Variants in DDC observed in about 807,000 individuals in gnomAD.
DDC encodes the protein dopa decarboxylase, also known as aromatic-L-amino-acid decarboxylase.
In DDC, 43 loss-of-function variants were observed where a neutral mutation model predicts 60.0. The ratio of observed to expected loss-of-function variants is 0.72; its 90% CI spans 0.56 to 0.92. The LOEUF is 0.92. Ranked by LOEUF, DDC falls within the 40% of genes least tolerant of loss-of-function variation. The probability of loss-of-function intolerance (pLI) is 0.00; values close to 1 mark genes in which losing one functional copy is unlikely to be tolerated. For synonymous variants in DDC, 232 were observed against 234.6 expected, an observed-to-expected ratio of 0.99 and a Z score of 0.10; for missense variants, 573 against 620.2, an observed-to-expected ratio of 0.92 and a Z score of 0.81.
intron 4 of DDC, among the ~76,000 whole-genome samples, chr7:50,531,375 G>T (rs1049115950): frequency 9.2e-5 from 14 of 151,948 alleles, no homozygotes; most frequent in Non-Finnish European, 1.8e-4. Context: ...ATTCTCATTG[G>T]AAATGTAACA....
chr7:50,535,269 C>T (rs1386939678), intron 4 of DDC, among the ~76,000 whole-genome samples: 1 of 151,938 alleles, frequency 6.6e-6, no homozygotes, highest in Non-Finnish European at 1.5e-5. Context: ...CAATTCTCCT[C>T]CCAAGTAGCT....
intron 10 of DDC, 48 bp from the exon 11 acceptor site, chr7:50,476,691 T>C (rs370615997): frequency 1.3e-6 from 2 of 1,535,522 alleles, no homozygotes; most frequent in African/African-American, 1.4e-5. Flanking sequence ...TAGACAGGTT[T>C]GTTGATCACA....
chr7:50,476,971 A>C (rs556920232), intron 10 of DDC, among the ~76,000 whole-genome samples: 1 of 152,188 alleles, frequency 6.6e-6, no homozygotes, highest in South Asian at 2.1e-4. Context: ...AGATCACGTA[A>C]ATCGTTCATC....
chr7:50,530,701 C>T (rs1010911872), intron 4 of DDC, among the ~76,000 whole-genome samples: 2 of 152,108 alleles, frequency 1.3e-5, no homozygotes, highest in African/African-American at 4.8e-5. Context: ...GTAGGGGCAG[C>T]GAGCACCTTC....
chr7:50,539,753 A>C, intron 3 of DDC, 162 bp downstream of exon 3: 1 of 642,288 alleles, frequency 1.6e-6, no homozygotes, highest in Non-Finnish European at 2.8e-6. Flanking sequence ...TCTCAGAGGC[A>C]CTCTCTCTGG....
chr7:50,549,597 C>T (rs2153552129), intron 1 of DDC, among the ~76,000 whole-genome samples: 1 of 149,390 alleles, frequency 6.7e-6, no homozygotes, highest in South Asian at 2.1e-4. Flanking sequence ...GAGCTTGCAG[C>T]AGTAAGCCAA....
intron 12 of DDC, among the ~76,000 whole-genome samples, chr7:50,468,305 A>G (rs1196976273): frequency 6.6e-6 from 1 of 152,218 alleles, no homozygotes; most frequent in East Asian, 1.9e-4. Flanking sequence ...CTAAGGCAGG[A>G]TTGGGTCCCC....
At chr7:50,460,130 A>C (rs2042232676) in intron 14 of DDC, among the ~76,000 whole-genome samples, 1 of 118,750 alleles carries the variant, frequency 8.4e-6, no homozygotes, top group African/African-American at 3.4e-5. Context: ...GGCCGCCCCT[A>C]CTGGGAAGTG....
chr7:50,509,041 T>A (rs763493421), intron 6 of DDC, among the ~76,000 whole-genome samples: 6 of 152,072 alleles, frequency 3.9e-5, no homozygotes, highest in Middle Eastern at 3.2e-3. Flanking sequence ...CTAGGAAGTT[T>A]ATTTGCGCCC....
intron 6 of DDC, among the ~76,000 whole-genome samples, chr7:50,507,749 A>G (rs1205416956): frequency 6.6e-6 from 1 of 152,212 alleles, no homozygotes; most frequent in Non-Finnish European, 1.5e-5. Flanking sequence ...CAGAAACAAT[A>G]AAACCCGGCC....
intron 6 of DDC, among the ~76,000 whole-genome samples, chr7:50,508,296 T>C (rs537987511): frequency 6.6e-5 from 10 of 152,332 alleles, no homozygotes; most frequent in African/African-American, 2.4e-4. Context: ...GACGCTAACC[T>C]GATTCCAGGC....
intron 6 of DDC, among the ~76,000 whole-genome samples, chr7:50,511,001 A>AC (rs1445784502): frequency 1.3e-5 from 2 of 149,524 alleles, no homozygotes; most frequent in South Asian, 2.1e-4. Context: ...AAAAAAAAAA[A>AC]AACTCAACTG....
At chr7:50,486,267 G>C (rs1235716019) in intron 9 of DDC, among the ~76,000 whole-genome samples, 1 of 152,170 alleles carries the variant, frequency 6.6e-6, no homozygotes, top group Admixed American at 6.5e-5. Flanking sequence ...AACGTATGTT[G>C]CTTTGCGTGC....
chr7:50,505,349 T>C (rs1477596192), intron 6 of DDC, among the ~76,000 whole-genome samples: 1 of 152,270 alleles, frequency 6.6e-6, no homozygotes, highest in Non-Finnish European at 1.5e-5. Context: ...AATTGATTTA[T>C]GGATGTCATG....
intron 1 of DDC, among the ~76,000 whole-genome samples, chr7:50,549,146 A>T (rs1353941958): frequency 6.6e-6 from 1 of 152,226 alleles, no homozygotes; most frequent in African/African-American, 2.4e-5. Context: ...GTCACTCAAG[A>T]GCAAGATGTA....
chr7:50,523,299 C>T (rs1344215942), intron 6 of DDC, among the ~76,000 whole-genome samples: 2 of 152,040 alleles, frequency 1.3e-5, no homozygotes, highest in East Asian at 3.9e-4. Flanking sequence ...AAACATGATC[C>T]ATGAAAGAAG....
intron 1 of DDC, among the ~76,000 whole-genome samples, chr7:50,550,623 A>G (rs1317904458): frequency 6.6e-6 from 1 of 152,238 alleles, no homozygotes; most frequent in African/African-American, 2.4e-5. Flanking sequence ...ATCAATTTGA[A>G]AGAAGTACAT....
chr7:50,487,591 C>T (rs376071786), intron 9 of DDC, among the ~76,000 whole-genome samples: 1 of 151,968 alleles, frequency 6.6e-6, no homozygotes. Context: ...TCTTTATTTG[C>T]ATGACTGTTT....
intron 10 of DDC, among the ~76,000 whole-genome samples, chr7:50,477,915 G>A (rs2042682585): frequency 6.6e-6 from 1 of 152,086 alleles, no homozygotes; most frequent in African/African-American, 2.4e-5. Context: ...GTAAGAAATT[G>A]TCGACGCCAG....
Sources: gnomAD v4.1 joint callset for allele counts (sites outside exome capture counted in the v4.1 genomes callset) on GRCh38, gnomAD v4.1.1 for gene constraint, MANE v1.5 for transcripts, NCBI Gene and HGNC (gene_info 2026-07-23, HGNC 2026-07-21) for gene names.